Variants in TRMT1L observed in about 807,000 individuals in gnomAD.
TRMT1L encodes the protein tRNA methyltransferase 1L.
Under a neutral mutation model 81.6 loss-of-function variants are expected in TRMT1L, and 28 were observed. That is an observed-to-expected ratio of 0.34 (90% confidence interval 0.25 to 0.47). TRMT1L has a LOEUF of 0.47. TRMT1L is among the 20% of genes least tolerant of loss of function. The pLI is 1.00. For missense variants in TRMT1L, 739 were observed against 877.1 expected (o/e 0.84, Z 1.99); for synonymous variants, 301 against 303.2 (o/e 0.99, Z 0.07).
At chr1:185,155,325 T>C (rs1055553575) in intron 1 of TRMT1L, among the ~76,000 whole-genome samples, 2 of 152,180 alleles carry the variant, frequency 1.3e-5, no homozygotes, top group African/African-American at 4.8e-5. Context: ...TGGAACCCTC[T>C]CAGCTCCCCA....
At chr1:185,128,317 T>C (rs778939024) in intron 11 of TRMT1L, among the ~76,000 whole-genome samples, 19 of 152,242 alleles carry the variant, frequency 1.2e-4, no homozygotes, top group Non-Finnish European at 2.4e-4. Flanking sequence ...TTGGCTCTTC[T>C]ATAAAAAGTT....
At chr1:185,139,877 A>C in intron 8 of TRMT1L, 96 bp downstream of exon 8, 3 of 1,388,226 alleles carry the variant, frequency 2.2e-6, no homozygotes, top group Non-Finnish European at 2.9e-6. Flanking sequence ...ATTTAAATAA[A>C]TAAACAACAA....
At chr1:185,147,834 T>A (rs529483180) in intron 3 of TRMT1L, among the ~76,000 whole-genome samples, 116 of 152,186 alleles carry the variant, frequency 7.6e-4, no homozygotes, top group Non-Finnish European at 3.1e-4. Context: ...AAGCTCTAGG[T>A]ACTAATTCAT....
In TRMT1L at chr1:185,156,831, G is replaced by A. The variant is rs1226811902; in HGVS notation, c.-119C>T. 1.2e-5 allele frequency: 16 copies of A among 1,370,122 alleles called. No homozygotes were observed. The highest frequency in any genetic ancestry group is 1.6e-5 in the Non-Finnish European group (16 of 1,017,036). 84.9% of individuals were successfully genotyped at this position (1,370,122 alleles called of 1,614,324 possible). On this transcript the variant is annotated 5_prime_UTR_variant, in exon 1 of 15. Coordinates refer to ENST00000367506, the MANE Select transcript of TRMT1L (RefSeq NM_030934.5). The stretch of plus-strand genomic sequence containing the variant: ...CAAGGAGTGGGGAAGCAAGTGGGGA[G>A]GGCGGGATGCGTGCAACAGACAAAA...
In TRMT1L at chr1:185,143,936, G is replaced by C; in HGVS notation, c.749C>G (p.Ser250Cys). The change falls in exon 6 of 15, where the codon TCC becomes TGC. Residue 250 changes from serine to cysteine, a missense_variant. Physicochemically the swap from Ser to Cys is moderately radical, Grantham distance 112. Around this residue, in one of 4 missense-constraint regions of TRMT1L, gnomAD observed 331 missense variants for 462.2 expected, o/e 0.72. Transcript: ENST00000367506. ...TAGTTTCATTTTGGGGTTAAAATAG[G>C]AATCTGTTTTCTGAGGTATAGAATA... ...PNYSIPQKTD[S>C]YFNPKMKLNR... is the part of the protein sequence containing the mutation. 1 of 1,607,354 alleles carries C rather than the reference G, an allele frequency of 6.2e-7. No homozygotes were observed. The highest frequency in any genetic ancestry group is 1.7e-5 in the Admixed American group (1 of 59,572).
Position 185,120,238 on chromosome 1 carries a change from T to C in TRMT1L, c.1983A>G (p.Ala661=). The C allele has an allele frequency of 1.3e-6, 2 of 1,589,538 alleles. No individual in the cohort carries two copies. The highest frequency in any genetic ancestry group is 1.7e-6 in the Non-Finnish European group (2 of 1,165,448). The change falls in exon 15 of 15, where the codon GCA becomes GCG. Residue 661 remains alanine (A), a synonymous_variant. Coordinates refer to ENST00000367506, the MANE Select transcript of TRMT1L (RefSeq NM_030934.5). Reference sequence around the variant, plus strand: ...AATGAGTTCGGCTTACTCGAAAGCCTGCTTGAGATAAATAGCACAAAAACT... The same window carrying C: ...AATGAGTTCGGCTTACTCGAAAGCCCGCTTGAGATAAATAGCACAAAAACT... ...LKKFLCYLSQ[A]GFRVSRTHFD...
intron 8 of TRMT1L, 98 bp from the exon 9 acceptor site, chr1:185,139,677 A>C: frequency 1.2e-6 from 1 of 863,602 alleles, no homozygotes; most frequent in Non-Finnish European, 1.7e-6. Flanking sequence ...TGGATTTAAA[A>C]ATACATTGCA....
In TRMT1L at chr1:185,119,926, A is replaced by G. The variant is rs1379038490; in HGVS notation, c.*93T>C. 3.0e-6 allele frequency: 4 copies of G among 1,329,160 alleles called. No individual in the cohort carries two copies. The African/African-American group carries it at 4.4e-5, about 14-fold the overall frequency. 82.3% of individuals were successfully genotyped at this position (1,329,160 alleles called of 1,614,324 possible). A position where few individuals can be genotyped will look rare whatever the true frequency, so the allele number is the denominator to read the frequency against. On this transcript the variant is annotated 3_prime_UTR_variant, in exon 15 of 15. Coordinates refer to ENST00000367506, the MANE Select transcript of TRMT1L (RefSeq NM_030934.5). ...TGACACTGTTTTTTATTTTTACTCT[A>G]CTGAATTGAAAGAACAGAAAAAGAA...
At chr1:185,122,155 A>G (rs977698833) in intron 13 of TRMT1L, among the ~76,000 whole-genome samples, 1 of 152,172 alleles carries the variant, frequency 6.6e-6, no homozygotes, top group African/African-American at 2.4e-5. Flanking sequence ...TCCTTAGTAC[A>G]TATGTTCATT....
intron 11 of TRMT1L, among the ~76,000 whole-genome samples, chr1:185,126,276 T>G (rs1229760439): frequency 6.6e-6 from 1 of 152,170 alleles, no homozygotes; most frequent in African/African-American, 2.4e-5. Context: ...CTTATATTCC[T>G]CATCATGAAA....
chr1:185,151,938 G>T lies in TRMT1L; in HGVS notation c.236-3C>A. 1 of 1,485,632 alleles carries T rather than the reference G, an allele frequency of 6.7e-7. No homozygotes were observed. The highest frequency in any genetic ancestry group is 9.1e-7 in the Non-Finnish European group (1 of 1,103,344). The allele number at this position is 1,485,632 out of a possible 1,614,324, so 92.0% of individuals were successfully genotyped here. On this transcript the variant is annotated splice_region_variant and splice_polypyrimidine_tract_variant and intron_variant, in intron 1 of 14. Coordinates refer to ENST00000367506, the MANE Select transcript of TRMT1L (RefSeq NM_030934.5). ...CCTTTGAATTGAGATGTGTCTCTCT[G>T]AAAAAAAAAATTGAGAAGATTATGC...
rs1571342322 is a variant in TRMT1L at position 185,124,793 on chromosome 1, A to C, written c.1759+151T>G. On this transcript the variant is annotated intron_variant, in intron 12 of 14. Coordinates refer to ENST00000367506, the MANE Select transcript of TRMT1L (RefSeq NM_030934.5). The stretch of plus-strand genomic sequence containing the variant: ...GAATAAAACTATGTAATTAAAAAAA[A>C]ACCAGAGGATCAGACTCATTAGAGA... 1.7e-5 allele frequency: 11 copies of C among 643,134 alleles called. No individual in the cohort carries two copies. The East Asian group carries it at 3.5e-4, about 21-fold the overall frequency. The allele number at this position is 643,134 out of a possible 1,614,324, so 39.8% of individuals were successfully genotyped here.
Position 185,143,564 on chromosome 1 carries a change from C to G in TRMT1L, c.780-128G>C, listed in dbSNP as rs1036356757. The G allele has an allele frequency of 1.3e-5, 10 of 747,184 alleles. No individual in the cohort carries two copies. In the African/African-American group the frequency reaches 1.5e-4, roughly 11 times the overall value. The allele number at this position is 747,184 out of a possible 1,614,324, so 46.3% of individuals were successfully genotyped here. A position where few individuals can be genotyped will look rare whatever the true frequency, so the allele number is the denominator to read the frequency against. ...ACTATTTCAAAAGGAGACCTGAAAA[C>G]ATATTCTGAATTTAATACTATAAGA... On this transcript the variant is annotated intron_variant, in intron 6 of 14. Coordinates refer to ENST00000367506, the MANE Select transcript of TRMT1L (RefSeq NM_030934.5).
At chr1:185,140,429 A>T (rs954606950) in intron 7 of TRMT1L, among the ~76,000 whole-genome samples, 9 of 152,142 alleles carry the variant, frequency 5.9e-5, no homozygotes, top group African/African-American at 2.2e-4. Context: ...CTTCTTCTAA[A>T]CCTATTTTAT....
Position 185,118,143 on chromosome 1 carries a change from C to T in TRMT1L, c.*1876G>A, listed in dbSNP as rs1468927293. The T allele has an allele frequency of 6.6e-6, 1 of 152,174 alleles. No homozygotes were observed. Among genetic ancestry groups the T allele is most frequent in the Non-Finnish European group, 1.5e-5 (1 of 68,028 alleles). 9.4% of individuals were successfully genotyped at this position (152,174 alleles called of 1,614,324 possible). A position where few individuals can be genotyped will look rare whatever the true frequency, so the allele number is the denominator to read the frequency against. On this transcript the variant is annotated 3_prime_UTR_variant, in exon 15 of 15. Coordinates refer to ENST00000367506, the MANE Select transcript of TRMT1L (RefSeq NM_030934.5). ...TAATGAAAGGATACAACTGATGCTACTTTACAACATGATAAACATTTGCAA... is the reference window on the plus strand; with the variant it reads ...TAATGAAAGGATACAACTGATGCTATTTTACAACATGATAAACATTTGCAA...
chr1:185,128,221 C>G (rs1652682049), intron 11 of TRMT1L, among the ~76,000 whole-genome samples: 1 of 152,204 alleles, frequency 6.6e-6, no homozygotes. Context: ...TGTGTATCAT[C>G]TAAATAACTT....
At chr1:185,124,005 T>C in intron 12 of TRMT1L, 86 bp from the exon 13 acceptor site, 1 of 740,898 alleles carries the variant, frequency 1.3e-6, no homozygotes. Flanking sequence ...TTTATGAAAT[T>C]CCATCCACAC....
intron 10 of TRMT1L, among the ~76,000 whole-genome samples, chr1:185,136,923 T>C (rs1043062040): frequency 6.6e-6 from 1 of 152,140 alleles, no homozygotes; most frequent in Non-Finnish European, 1.5e-5. Context: ...AGGAAAGCTC[T>C]TTCTAACTAC....
rs1211171307 is a variant in TRMT1L, at chr1:185,143,388, A to C, written c.828T>G (p.Pro276=). 6.2e-7 allele frequency: 1 copy of C among 1,610,678 alleles called. No homozygotes were observed. The highest frequency in any genetic ancestry group is 1.1e-5 in the South Asian group (1 of 90,750). Residue 276 remains proline, a synonymous_variant, in exon 7 of 15, where the codon CCT becomes CCG. Transcript: ENST00000367506. The part of the protein sequence containing the change: ...TLAALAEERK[P]LECLDAFGAT... ...CTCCAAAAGCATCTAGACATTCCAA[A>C]GGTTTTCGTTCCTCAGCCAAAGCAG...
Sources: gnomAD v4.1 joint callset for allele counts (sites outside exome capture counted in the v4.1 genomes callset) on GRCh38, gnomAD v4.1.1 for gene constraint, gnomAD v4.1.1 regional missense constraint, MANE v1.5 for transcripts, NCBI Gene and HGNC (gene_info 2026-07-23, HGNC 2026-07-21) for gene names.